The following CREBBP variants were observed in gnomAD, a reference collection of about 807,000 sequenced individuals.
CREBBP encodes CREB binding lysine acetyltransferase.
CREBBP carries 19 observed loss-of-function variants against 265.0 expected under a neutral mutation model. The ratio of observed to expected loss-of-function variants is 0.07; its 90% CI spans 0.05 to 0.11. CREBBP has a LOEUF of 0.11. Ranked by LOEUF, CREBBP falls within the 10% of genes least tolerant of loss-of-function variation. The probability of loss-of-function intolerance (pLI) is 1.00; values close to 1 mark genes in which losing one functional copy is unlikely to be tolerated. For synonymous variants in CREBBP, 1,457 were observed against 1,223.7 expected, an observed-to-expected ratio of 1.19 and a Z score of -3.98; for missense variants, 2,525 against 3,219.0, an observed-to-expected ratio of 0.78 and a Z score of 5.22.
intron 2 of CREBBP, among the ~76,000 whole-genome samples, chr16:3,820,402 G>A (rs757196510): frequency 3.3e-5 from 5 of 152,220 alleles, no homozygotes; most frequent in Non-Finnish European, 7.3e-5. Context: ...TTGGGCTAAA[G>A]CACCTGGGCA....
chr16:3,776,704 C>T (rs1567304293), intron 11 of CREBBP, among the ~76,000 whole-genome samples: 1 of 152,152 alleles, frequency 6.6e-6, no homozygotes, highest in Non-Finnish European at 1.5e-5. Flanking sequence ...ACACCCCCTT[C>T]ACCATCCATT....
At chr16:3,756,545 C>T (rs537064511) in intron 19 of CREBBP, among the ~76,000 whole-genome samples, 7 of 152,352 alleles carry the variant, frequency 4.6e-5, no homozygotes, top group African/African-American at 1.7e-4. Flanking sequence ...AGATCCACCA[C>T]TCACAAAACC....
chr16:3,745,794 G>A (rs1406440744), intron 21 of CREBBP: 2 of 297,284 alleles, frequency 6.7e-6, no homozygotes, highest in East Asian at 1.5e-4. Flanking sequence ...TAAAATTGTT[G>A]AGGATACTAA....
chr16:3,793,637 G>T lies in CREBBP; in HGVS notation c.976-11C>A. On this transcript the variant is annotated splice_polypyrimidine_tract_variant and intron_variant, in intron 3 of 30. Transcript: ENST00000262367. ...TGTTTGCATCTGAGACTAAAATAAA[G>T]CAAAATAATAAAAATACTTTAACCT... 1 of 1,611,918 alleles carries T rather than the reference G, an allele frequency of 6.2e-7. No individual in the cohort carries two copies. The highest frequency in any genetic ancestry group is 8.5e-7 in the Non-Finnish European group (1 of 1,179,666).
At chr16:3,856,366 G>A (rs2054964112) in intron 1 of CREBBP, among the ~76,000 whole-genome samples, 1 of 152,158 alleles carries the variant, frequency 6.6e-6, no homozygotes, top group South Asian at 2.1e-4. Context: ...ACCCAGGCTG[G>A]AGTGCAGTGA....
At chr16:3,746,432 A>G (rs2052344735) in intron 21 of CREBBP, among the ~76,000 whole-genome samples, 1 of 151,712 alleles carries the variant, frequency 6.6e-6, no homozygotes, top group Admixed American at 6.6e-5. Context: ...CTGTCTGGCT[A>G]CCTCTCCCTT....
Position 3,782,872 on chromosome 16 carries a change from G to C in CREBBP, c.1385C>G (p.Thr462Arg), listed in dbSNP as rs2053305399. The change falls in exon 6 of 31, where the codon ACA becomes AGA. Residue 462 changes from threonine to arginine, a missense_variant. Thr to Arg is a moderately conservative substitution (Grantham distance 71, BLOSUM62 -1). Transcript: ENST00000262367. ...GIQNTIGSVG[T>R]GQQNATSLSN... ...TAAAGAAGTGGCATTCTGTTGCCCT[G>C]TGCCAACAGAACCAATTGTGTTTTG... 1 of 1,614,054 alleles carries C rather than the reference G, an allele frequency of 6.2e-7. No homozygotes were observed. Among genetic ancestry groups the C allele is most frequent in the South Asian group, 1.1e-5 (1 of 91,082 alleles).
intron 3 of CREBBP, among the ~76,000 whole-genome samples, chr16:3,803,917 C>A (rs1174627781): frequency 2.6e-5 from 4 of 151,406 alleles, no homozygotes; most frequent in African/African-American, 9.7e-5. Flanking sequence ...CTGTCTCTAC[C>A]AAAAAAAATA....
At chr16:3,770,219 T>C (rs911875167) in intron 14 of CREBBP, among the ~76,000 whole-genome samples, 3 of 151,806 alleles carry the variant, frequency 2.0e-5, no homozygotes, top group Non-Finnish European at 2.9e-5. Flanking sequence ...TCTCGCTCTG[T>C]TGCCCAGGCT....
Position 3,769,155 on chromosome 16 carries a change from C to T in CREBBP, c.3060+19G>A, listed in dbSNP as rs2141189790. 1 of 1,613,652 alleles carries T rather than the reference C, an allele frequency of 6.2e-7. No homozygotes were observed. Among genetic ancestry groups the T allele is most frequent in the Non-Finnish European group, 8.5e-7 (1 of 1,180,006 alleles). Reference sequence around the variant, plus strand: ...AGTTGCGATACGCAGTCAATGCATTCCTAGGGAGCGGCACCCACCTCAGAC... The same window carrying T: ...AGTTGCGATACGCAGTCAATGCATTTCTAGGGAGCGGCACCCACCTCAGAC... On this transcript the variant is annotated intron_variant, in intron 15 of 30. Coordinates refer to ENST00000262367, the MANE Select transcript of CREBBP (RefSeq NM_004380.3).
rs1333127774 is a variant in CREBBP at position 3,778,117 on chromosome 16, C to T, written c.2007G>A (p.Arg669=). The T allele has an allele frequency of 6.2e-7, 1 of 1,613,842 alleles. No individual in the cohort carries two copies. Among genetic ancestry groups the T allele is most frequent in the Non-Finnish European group, 8.5e-7 (1 of 1,179,732 alleles). The stretch of plus-strand genomic sequence containing the variant: ...TGCCTTGTTTATGTAAACGCGACCT[C>T]CGTTTTTCTTCTAGTTCTTTTTGTA... ...YKIQKELEEK[R]RSRLHKQGIL... Residue 669 remains arginine (R), a synonymous_variant, in exon 10 of 31, where the codon CGG becomes CGA. Coordinates refer to ENST00000262367, the MANE Select transcript of CREBBP (RefSeq NM_004380.3).
intron 1 of CREBBP, among the ~76,000 whole-genome samples, chr16:3,861,926 G>A (rs2141548229): frequency 6.6e-6 from 1 of 152,194 alleles, no homozygotes; most frequent in Middle Eastern, 3.4e-3. Context: ...AGTAAGTCTT[G>A]CCCCTCCTCA....
Position 3,728,599 on chromosome 16 carries a change from G to A in CREBBP, c.6448C>T (p.Pro2150Ser), listed in dbSNP as rs759908211. 1 of 1,613,712 alleles carries A rather than the reference G, an allele frequency of 6.2e-7. No individual in the cohort carries two copies. The highest frequency in any genetic ancestry group is 8.5e-7 in the Non-Finnish European group (1 of 1,179,954). Residue 2150 changes from proline (P) to serine (S), a missense_variant, in exon 31 of 31, where the codon CCG (proline) becomes TCG (serine). By Grantham distance (74) the Pro-to-Ser change is moderately conservative. Around this residue, in one of 19 missense-constraint regions of CREBBP, gnomAD observed 473 missense variants for 459.3 expected, o/e 1.03. Transcript: ENST00000262367. This position sits in a 1 kb window ranked among gnomAD's most constrained non-coding sequence, Gnocchi z 8.7. Reference sequence around the variant, plus strand: ...TGCTGTGGAGGCACACCGGGCCGCGGCACGCCAGCCTGCATGGCATTCAGG... The same window carrying A: ...TGCTGTGGAGGCACACCGGGCCGCGACACGCCAGCCTGCATGGCATTCAGG... ...QNLNAMQAGV[P>S]RPGVPPQQQA...
At chr16:3,768,702 T>C (rs1250491740) in intron 15 of CREBBP, among the ~76,000 whole-genome samples, 2 of 152,186 alleles carry the variant, frequency 1.3e-5, no homozygotes, top group Non-Finnish European at 2.9e-5. Flanking sequence ...TGAAAGCATC[T>C]CATTTTTCAA....
At chr16:3,784,097 T>G (rs2053334951) in intron 5 of CREBBP, among the ~76,000 whole-genome samples, 1 of 152,230 alleles carries the variant, frequency 6.6e-6, no homozygotes, top group African/African-American at 2.4e-5. Flanking sequence ...CATCTTATAG[T>G]GTTGTTGCTA....
At position 3,803,257 on chromosome 16, in the gene CREBBP, CGGCGGGGAGGGGGGGGGGGGGGGT is replaced by C. The variant is rs1426737107; in HGVS notation, c.975+7322_975+7345del. 4.8e-4 allele frequency among the ~76,000 whole-genome samples: 3 copies of C among 6,186 alleles called. No homozygotes were observed. In the East Asian group the frequency reaches 5.2e-3, roughly 11 times the overall value. 4.1% of individuals were successfully genotyped at this position (6,186 alleles called of 152,430 possible). On this transcript the variant is annotated intron_variant, in intron 3 of 30. Coordinates refer to ENST00000262367, the MANE Select transcript of CREBBP (RefSeq NM_004380.3). ...TAATCCCAGCACTTTGGGAGGCTGACGGCGGGGAGGGGGGGGGGGGGGGTGGATCACGAGGTCAGGAGTTCAAGA... is the reference window on the plus strand; with the variant it reads ...TAATCCCAGCACTTTGGGAGGCTGACGGATCACGAGGTCAGGAGTTCAAGA...
At chr16:3,851,788 A>G (rs1397365876) in intron 1 of CREBBP, among the ~76,000 whole-genome samples, 82 of 142,862 alleles carry the variant, frequency 5.7e-4, no homozygotes, top group African/African-American at 2.0e-3. Flanking sequence ...CGGGAAGCGG[A>G]GCTTGCAGTG....
At chr16:3,798,897 C>T (rs551612504) in intron 3 of CREBBP, among the ~76,000 whole-genome samples, 8 of 152,268 alleles carry the variant, frequency 5.3e-5, no homozygotes, top group African/African-American at 1.9e-4. Flanking sequence ...TCACAACAGC[C>T]TTTTACAAAT....
chr16:3,841,812 G>A (rs1395588718), intron 2 of CREBBP, among the ~76,000 whole-genome samples: 2 of 152,062 alleles, frequency 1.3e-5, no homozygotes, highest in African/African-American at 4.8e-5. Flanking sequence ...CCACAATTAC[G>A]GTCACCGGTG....
Sources: gnomAD v4.1 joint callset for allele counts (sites outside exome capture counted in the v4.1 genomes callset) on GRCh38, gnomAD v4.1.1 for gene constraint, gnomAD v4.1.1 regional missense constraint, Gnocchi (gnomAD v3.1) non-coding constraint, MANE v1.5 for transcripts, NCBI Gene and HGNC (gene_info 2026-07-23, HGNC 2026-07-21) for gene names.